Variants in KLRG1 observed in about 807,000 individuals in gnomAD.
The protein encoded by KLRG1 is killer cell lectin-like receptor subfamily G member 1.
KLRG1 carries 16 observed loss-of-function variants against 21.8 expected under a neutral mutation model. That is an observed-to-expected ratio of 0.73 (90% CI 0.50 to 1.11). KLRG1 has a LOEUF of 1.11. Among genes scored for constraint, KLRG1 ranks in the 50% most tolerant of loss-of-function variants. The pLI is 0.00. For missense variants in KLRG1, 173 were observed against 218.3 expected (o/e 0.79, Z 1.31); for synonymous variants, 69 against 75.9 (o/e 0.91, Z 0.47).
the KLRG1 span, among the ~76,000 whole-genome samples, chr12:9,160,764 A>G: frequency 2.0e-5 from 3 of 151,984 alleles, no homozygotes; most frequent in Non-Finnish European, 4.4e-5. Context: ...AATACAAAAA[A>G]ATTAGCCGGG....
At chr12:9,072,340 T>TA in the KLRG1 span, 2 of 1,612,728 alleles carry the variant, frequency 1.2e-6, no homozygotes, top group Non-Finnish European at 8.5e-7. Flanking sequence ...GATTAGGTGA[T>TA]AGAGTCAGAA....
the KLRG1 span, among the ~76,000 whole-genome samples, chr12:9,053,952 A>G: frequency 6.6e-5 from 10 of 152,238 alleles, no homozygotes; most frequent in Non-Finnish European, 1.3e-4. Flanking sequence ...AATGGTCCCA[A>G]TTCTCCAGCT....
chr12:9,008,811 A>T (rs61915986), intron 3 of KLRG1, among the ~76,000 whole-genome samples, 164 bp from the exon 4 acceptor site: 1 of 151,990 alleles, frequency 6.6e-6, no homozygotes, highest in Non-Finnish European at 1.5e-5. Context: ...TATTGATTTT[A>T]GGACGCATTC....
chr12:9,168,398 T>A, the KLRG1 span: 1 of 152,804 alleles, frequency 6.5e-6, no homozygotes, highest in Admixed American at 6.5e-5. Context: ...ATGGGACAGA[T>A]GTTTTAATAA....
At chr12:9,109,713 C>T in the KLRG1 span, among the ~76,000 whole-genome samples, 1 of 152,212 alleles carries the variant, frequency 6.6e-6, no homozygotes, top group East Asian at 1.9e-4. Context: ...TCACAGATCA[C>T]TGATGTCCTC....
chr12:9,157,650 A>G, the KLRG1 span: 1 of 921,134 alleles, frequency 1.1e-6, no homozygotes, highest in Non-Finnish European at 1.7e-6. Context: ...TATCAGTCTG[A>G]GAAATCCCTC....
chr12:9,077,970 TAGAG>T, the KLRG1 span: 2 of 1,238,162 alleles, frequency 1.6e-6, no homozygotes, highest in Non-Finnish European at 2.3e-6. Flanking sequence ...CTTGTGTACT[TAGAG>T]AGCTTATCTC....
At chr12:9,212,472 T>G in the KLRG1 span, among the ~76,000 whole-genome samples, 1 of 150,970 alleles carries the variant, frequency 6.6e-6, no homozygotes, top group Non-Finnish European at 1.5e-5. Flanking sequence ...TTTCTAGTTT[T>G]TTTATGTTAG....
At chr12:9,162,908 T>C in the KLRG1 span, among the ~76,000 whole-genome samples, 1 of 152,168 alleles carries the variant, frequency 6.6e-6, no homozygotes, top group African/African-American at 2.4e-5. Flanking sequence ...CACTAGCTAT[T>C]CTTCCTGATG....
At chr12:9,008,211 A>T (rs1406461926) in intron 3 of KLRG1, among the ~76,000 whole-genome samples, 1 of 152,220 alleles carries the variant, frequency 6.6e-6, no homozygotes, top group Non-Finnish European at 1.5e-5. Context: ...CGTAATTTAT[A>T]TATTTAAGGA....
At chr12:9,194,049 C>G in the KLRG1 span, 2 of 1,586,504 alleles carry the variant, frequency 1.3e-6, no homozygotes. Flanking sequence ...TTTCCTTTGT[C>G]CTCAGAGATT....
the KLRG1 span, chr12:9,107,400 A>G: frequency 6.7e-6 from 8 of 1,202,320 alleles, no homozygotes; most frequent in Non-Finnish European, 9.1e-6. Flanking sequence ...TTGAAAAATT[A>G]CAATAGCCAA....
At chr12:9,140,895 A>C in the KLRG1 span, among the ~76,000 whole-genome samples, 2 of 152,202 alleles carry the variant, frequency 1.3e-5, no homozygotes, top group Non-Finnish European at 2.9e-5. Context: ...CTCTCCAGTC[A>C]AAGCCTTGGT....
chr12:8,979,176 G>A (rs1946714289), intron 1 of KLRG1, among the ~76,000 whole-genome samples: 1 of 151,404 alleles, frequency 6.6e-6, no homozygotes. Flanking sequence ...CACCATGCCT[G>A]GTTAATTTTC....
chr12:8,978,640 TTTTCTTTCTTTCTTTCTTTCTTTCTTTC>T (rs202186076), intron 1 of KLRG1, among the ~76,000 whole-genome samples: 1 of 107,806 alleles, frequency 9.3e-6, no homozygotes, highest in Non-Finnish European at 2.2e-5. Flanking sequence ...TTTTTCTTTC[TTTTCTTTCTTTCTTTCTTTCTTTCTTTC>T]TTTCTTTCTT....
chr12:9,048,065 A>G, the KLRG1 span, among the ~76,000 whole-genome samples: 2 of 152,088 alleles, frequency 1.3e-5, no homozygotes, highest in Non-Finnish European at 2.9e-5. Flanking sequence ...ACAGTAGAAT[A>G]CACATTTTTC....
chr12:9,149,506 C>A, the KLRG1 span: 2 of 1,506,398 alleles, frequency 1.3e-6, no homozygotes, highest in South Asian at 2.4e-5. Context: ...TTGCAGGGGC[C>A]CTTGGAGAGT....
At chr12:8,981,394 C>G (rs749524248) in intron 1 of KLRG1, among the ~76,000 whole-genome samples, 1 of 151,820 alleles carries the variant, frequency 6.6e-6, no homozygotes, top group African/African-American at 2.4e-5. Context: ...TCATTTAAAA[C>G]TACAGTATTT....
the KLRG1 span, chr12:9,107,513 G>T: frequency 6.2e-7 from 1 of 1,613,494 alleles, no homozygotes; most frequent in Non-Finnish European, 8.5e-7. Context: ...AAAAAATAGT[G>T]TTCAACCTAC....
Sources: allele counts gnomAD v4.1 joint callset (sites outside exome capture counted in the v4.1 genomes callset), GRCh38; gene constraint gnomAD v4.1.1; transcripts MANE v1.5; gene names NCBI Gene and HGNC (gene_info 2026-07-23, HGNC 2026-07-21).